Variants in LRRN2 observed in about 807,000 individuals in gnomAD.
LRRN2 encodes the protein leucine-rich repeat neuronal protein 2.
Under a neutral mutation model 35.7 loss-of-function variants are expected in LRRN2, and 10 were observed. That is an observed-to-expected ratio of 0.28 (90% CI 0.17 to 0.47). The LOEUF (loss-of-function observed/expected upper bound fraction) is 0.47, where lower values mean the gene tolerates loss of function less well. Ranked by LOEUF, LRRN2 falls within the 20% of genes least tolerant of loss-of-function variation. The pLI, the probability that LRRN2 is intolerant of heterozygous loss-of-function variation, is 0.99. For synonymous variants in LRRN2, 391 were observed against 409.6 expected (o/e 0.95, Z 0.55); for missense variants, 731 against 940.3 (o/e 0.78, Z 2.91).
At chr1:204,634,147 T>G (rs1327435437) in intron 1 of LRRN2, among the ~76,000 whole-genome samples, 1 of 152,262 alleles carries the variant, frequency 6.6e-6, no homozygotes, top group Non-Finnish European at 1.5e-5. Flanking sequence ...TTTTACTGTC[T>G]GGGAATAAAA....
chr1:204,676,809 C>T (rs1021567927), intron 1 of LRRN2, among the ~76,000 whole-genome samples: 2 of 152,146 alleles, frequency 1.3e-5, no homozygotes, highest in East Asian at 3.8e-4. Context: ...TATTGAGCTT[C>T]TACTTTGTAG....
chr1:204,650,987 G>A (rs773246116), intron 1 of LRRN2, among the ~76,000 whole-genome samples: 93 of 152,268 alleles, frequency 6.1e-4, no homozygotes, highest in Middle Eastern at 6.8e-3. Flanking sequence ...ATGTAATTAC[G>A]GTTATGAACT....
intron 1 of LRRN2, among the ~76,000 whole-genome samples, chr1:204,681,735 C>T (rs937344176): frequency 6.6e-6 from 1 of 152,250 alleles, no homozygotes; most frequent in African/African-American, 2.4e-5. Flanking sequence ...ATTTCAGCCT[C>T]TGAGCTGTAG....
At chr1:204,682,197 G>A (rs1429484520) in intron 1 of LRRN2, among the ~76,000 whole-genome samples, 1 of 152,146 alleles carries the variant, frequency 6.6e-6, no homozygotes, top group Non-Finnish European at 1.5e-5. Flanking sequence ...GTGGGGTGTG[G>A]GATGAGGGAC....
At chr1:204,678,729 C>CAGAT (rs1668876918) in intron 1 of LRRN2, among the ~76,000 whole-genome samples, 1 of 152,160 alleles carries the variant, frequency 6.6e-6, no homozygotes, top group Non-Finnish European at 1.5e-5. Context: ...GCCACCCCCT[C>CAGAT]ATCTCTCCTC....
chr1:204,661,476 T>C (rs1426628064), intron 1 of LRRN2, among the ~76,000 whole-genome samples: 3 of 152,210 alleles, frequency 2.0e-5, no homozygotes, highest in African/African-American at 7.2e-5. Context: ...AACTTTCCTG[T>C]ACATAAGAAT....
intron 1 of LRRN2, among the ~76,000 whole-genome samples, chr1:204,652,271 G>GCCCCCCCA (rs139729831): frequency 7.1e-5 from 5 of 70,620 alleles, no homozygotes; most frequent in South Asian, 8.3e-4. Context: ...CCCCCCCCCC[G>GCCCCCCCA]CCCCCCCGCC....
In LRRN2 at chr1:204,617,735, G is replaced by A. The variant is rs888661869; in HGVS notation, c.*116C>T. On this transcript the variant is annotated 3_prime_UTR_variant, in exon 2 of 2. Coordinates refer to ENST00000367177, the MANE Select transcript of LRRN2 (RefSeq NM_201630.2). ...CCCATCTGTCTTGGCCCAGCTGCCA[G>A]GCCTCAAGCACGTGGGTCCATGTCC... 3 of 1,183,084 alleles carry A rather than the reference G, an allele frequency of 2.5e-6. No individual in the cohort carries two copies. The South Asian group carries it at 4.2e-5, about 16-fold the overall frequency. 73.3% of individuals were successfully genotyped at this position (1,183,084 alleles called of 1,614,324 possible). A position where few individuals can be genotyped will look rare whatever the true frequency, so the allele number is the denominator to read the frequency against.
Position 204,618,811 on chromosome 1 carries a change from G to A in LRRN2, c.1182C>T (p.Ser394=), listed in dbSNP as rs1311447179. 2.5e-6 allele frequency: 4 copies of A among 1,614,000 alleles called. No individual in the cohort carries two copies. The highest frequency in any genetic ancestry group is 1.3e-5 in the African/African-American group (1 of 74,946). ...GGTCCGGAGGCTCCGCACACAGGGT[G>A]GATTGCGGCTCGATGAAGCGGACAC... ...GTRVRFIEPQ[S]TLCAEPPDLQ... The change falls in exon 2 of 2, where the codon TCC becomes TCT. Residue 394 remains serine, a synonymous_variant. Coordinates refer to ENST00000367177, the MANE Select transcript of LRRN2 (RefSeq NM_201630.2).
At chr1:204,641,979 G>A (rs1322687224) in intron 1 of LRRN2, among the ~76,000 whole-genome samples, 1 of 152,190 alleles carries the variant, frequency 6.6e-6, no homozygotes, top group Non-Finnish European at 1.5e-5. Flanking sequence ...AAGAGTGTGT[G>A]TGTTGTGTAT....
chr1:204,648,743 C>A (rs1422034783), intron 1 of LRRN2, among the ~76,000 whole-genome samples: 1 of 152,194 alleles, frequency 6.6e-6, no homozygotes, highest in East Asian at 1.9e-4. Flanking sequence ...TAAGACCCAT[C>A]CCTGCCCTCC....
chr1:204,674,635 C>T (rs1376076390), intron 1 of LRRN2, among the ~76,000 whole-genome samples: 1 of 152,212 alleles, frequency 6.6e-6, no homozygotes, highest in Non-Finnish European at 1.5e-5. Context: ...ATAAATGCTG[C>T]ATAAGCTTCA....
At chr1:204,624,390 T>G (rs1030010480) in intron 1 of LRRN2, among the ~76,000 whole-genome samples, 1 of 152,162 alleles carries the variant, frequency 6.6e-6, no homozygotes, top group African/African-American at 2.4e-5. Context: ...AGCTGTGGGC[T>G]TCAGGGACAG....
intron 1 of LRRN2, among the ~76,000 whole-genome samples, chr1:204,670,078 A>G (rs1014172156): frequency 2.0e-5 from 3 of 151,768 alleles, no homozygotes; most frequent in African/African-American, 7.3e-5. Flanking sequence ...TTGGAGATGC[A>G]AGAGTGGATA....
At chr1:204,641,278 C>A (rs1276103515) in intron 1 of LRRN2, among the ~76,000 whole-genome samples, 1 of 152,190 alleles carries the variant, frequency 6.6e-6, no homozygotes, top group South Asian at 2.1e-4. Context: ...TCCTCCTCAT[C>A]TTTTCTTTTA....
At chr1:204,649,462 G>C (rs181134354) in intron 1 of LRRN2, among the ~76,000 whole-genome samples, 9 of 152,310 alleles carry the variant, frequency 5.9e-5, no homozygotes, top group Admixed American at 5.9e-4. Context: ...AGGCTAAGTG[G>C]GGGTGGGAGG....
intron 1 of LRRN2, among the ~76,000 whole-genome samples, chr1:204,651,156 G>T (rs1177073662): frequency 6.6e-6 from 1 of 152,172 alleles, no homozygotes. Context: ...ACAAGGACTG[G>T]AAGGCACCAT....
intron 1 of LRRN2, among the ~76,000 whole-genome samples, chr1:204,642,048 G>A (rs575246611): frequency 9.2e-5 from 14 of 152,288 alleles, no homozygotes; most frequent in East Asian, 5.8e-4. Flanking sequence ...GTGCAGTGGC[G>A]GACCAGGTAA....
At chr1:204,651,109 ATC>A (rs1319749308) in intron 1 of LRRN2, among the ~76,000 whole-genome samples, 5 of 152,302 alleles carry the variant, frequency 3.3e-5, no homozygotes, top group Non-Finnish European at 7.3e-5. Flanking sequence ...GCGTGCGATG[ATC>A]TGATATCCTG....
Sources: gnomAD v4.1 joint callset for allele counts (sites outside exome capture counted in the v4.1 genomes callset) on GRCh38, gnomAD v4.1.1 for gene constraint, MANE v1.5 for transcripts, NCBI Gene and HGNC (gene_info 2026-07-23, HGNC 2026-07-21) for gene names.